The following KLHL8 variants were observed in gnomAD, a reference collection of about 807,000 sequenced individuals.
KLHL8 encodes kelch-like protein 8.
KLHL8 carries 38 observed loss-of-function variants against 63.5 expected under a neutral mutation model. The ratio of observed to expected loss-of-function variants is 0.60; its 90% CI spans 0.46 to 0.78. The LOEUF (loss-of-function observed/expected upper bound fraction) is 0.78. Among genes scored for constraint, KLHL8 ranks in the 30% least tolerant of loss-of-function variants. KLHL8 has a pLI of 0.00. For missense variants in KLHL8, 566 were observed against 752.4 expected (o/e 0.75, Z 2.90); for synonymous variants, 224 against 254.3 (o/e 0.88, Z 1.13).
At chr4:87,170,374 T>C (rs1451953201) in intron 7 of KLHL8, 73 bp downstream of exon 7, 2 of 1,478,456 alleles carry the variant, frequency 1.4e-6, no homozygotes, top group Middle Eastern at 3.6e-4. Flanking sequence ...GGTGATGATA[T>C]ATTGGACCTT....
chr4:87,208,158 C>T lies in KLHL8; in HGVS notation c.-152+12260G>A, dbSNP rs374216993. ...AGAGAGGTCGTCACTGCTGGGGAGTCCCTGCCACACTCAGTCCCCCACTAC... is the reference window on the plus strand; with the variant it reads ...AGAGAGGTCGTCACTGCTGGGGAGTTCCTGCCACACTCAGTCCCCCACTAC... On this transcript the variant is annotated intron_variant, in intron 1 of 9. Transcript: ENST00000273963. 7.8e-5 allele frequency: 30 copies of T among 385,878 alleles called. No individual in the cohort carries two copies. The East Asian group carries it at 1.8e-3, about 23-fold the overall frequency. The allele number at this position is 385,878 out of a possible 1,614,324, so 23.9% of individuals were successfully genotyped here. A position where few individuals can be genotyped will look rare whatever the true frequency, so the allele number is the denominator to read the frequency against.
At chr4:87,230,223 C>G (rs1733111108) in intron 1 of KLHL8, among the ~76,000 whole-genome samples, 1 of 152,196 alleles carries the variant, frequency 6.6e-6, no homozygotes, top group African/African-American at 2.4e-5. Context: ...AAACAGCTAA[C>G]TCATGACAAC....
chr4:87,183,923 T>A (rs1237702862), intron 3 of KLHL8, among the ~76,000 whole-genome samples: 2 of 152,214 alleles, frequency 1.3e-5, no homozygotes, highest in African/African-American at 4.8e-5. Flanking sequence ...AACTTAGGGA[T>A]GCATCCCCTC....
chr4:87,183,906 A>C (rs1731148720), intron 3 of KLHL8, among the ~76,000 whole-genome samples: 1 of 152,200 alleles, frequency 6.6e-6, no homozygotes, highest in Non-Finnish European at 1.5e-5. Flanking sequence ...TTGGAAGGGA[A>C]TATACTAACT....
chr4:87,163,728 G>A, intron 9 of KLHL8, 86 bp from the exon 10 acceptor site: 3 of 1,575,380 alleles, frequency 1.9e-6, no homozygotes, highest in Non-Finnish European at 2.6e-6. Context: ...CCCTATGTGA[G>A]ACTGGTTTTG....
At chr4:87,236,623 C>T (rs993439948) in intron 1 of KLHL8, among the ~76,000 whole-genome samples, 3 of 148,594 alleles carry the variant, frequency 2.0e-5, no homozygotes, top group South Asian at 2.2e-4. Context: ...TTATTCATTG[C>T]GTACCTTTTG....
At chr4:87,210,587 G>C (rs1296889298) in intron 1 of KLHL8, among the ~76,000 whole-genome samples, 3 of 152,128 alleles carry the variant, frequency 2.0e-5, no homozygotes, top group Non-Finnish European at 4.4e-5. Context: ...TAATTTTAGA[G>C]CTACCCCTGA....
intron 1 of KLHL8, among the ~76,000 whole-genome samples, chr4:87,236,364 A>T: frequency 6.6e-6 from 1 of 151,842 alleles, no homozygotes; most frequent in East Asian, 2.0e-4. Flanking sequence ...GCGCACCACC[A>T]TGCCCGGCAA....
chr4:87,226,820 ATATATTATTTATAAATAAT>A lies in KLHL8; in HGVS notation n.58-5449_58-5431del, dbSNP rs1235660981. ...ATATATAATATATATTATATATAAT[ATATATTATTTATAAATAAT>A]ATATATATTATATATAAATAATATA... On this transcript the variant is annotated intron_variant and non_coding_transcript_variant, in intron 1 of 1. Transcript: ENST00000506274. Among the ~76,000 whole-genome samples the A allele has an allele frequency of 3.2e-3, 43 of 13,484 alleles. 12 individuals carry two copies. Among genetic ancestry groups the A allele is most frequent in the Non-Finnish European group, 4.4e-3 (38 of 8,712 alleles). 8.8% of individuals were successfully genotyped at this position (13,484 alleles called of 152,430 possible). A position where few individuals can be genotyped will look rare whatever the true frequency, so the allele number is the denominator to read the frequency against.
intron 1 of KLHL8, among the ~76,000 whole-genome samples, chr4:87,234,797 G>A (rs1295885539): frequency 6.6e-6 from 1 of 152,150 alleles, no homozygotes; most frequent in African/African-American, 2.4e-5. Flanking sequence ...AACTCCATGT[G>A]GGTTATTGCC....
intron 1 of KLHL8, among the ~76,000 whole-genome samples, chr4:87,208,542 T>C (rs1008329062): frequency 3.3e-5 from 5 of 152,110 alleles, no homozygotes; most frequent in Non-Finnish European, 4.4e-5. Context: ...TTTGCCATGT[T>C]GCCCAGGCTG....
intron 1 of KLHL8, among the ~76,000 whole-genome samples, chr4:87,217,843 C>T (rs978769791): frequency 6.6e-6 from 1 of 151,826 alleles, no homozygotes; most frequent in African/African-American, 2.4e-5. Context: ...ATATAAGTAA[C>T]CAAAAATTTA....
chr4:87,170,789 A>C (rs570010907), intron 6 of KLHL8, among the ~76,000 whole-genome samples, 174 bp from the exon 7 acceptor site: 1 of 152,370 alleles, frequency 6.6e-6, no homozygotes, highest in African/African-American at 2.4e-5. Context: ...CAGAATTGCC[A>C]AACTGTGCAA....
At chr4:87,178,395 A>G in intron 5 of KLHL8, 82 bp downstream of exon 5, 1 of 1,345,600 alleles carries the variant, frequency 7.4e-7, no homozygotes, top group Admixed American at 2.5e-5. Flanking sequence ...TCATTTTCTT[A>G]TATAAAAATA....
At chr4:87,182,438 A>G (rs1731091605) in intron 4 of KLHL8, among the ~76,000 whole-genome samples, 1 of 152,010 alleles carries the variant, frequency 6.6e-6, no homozygotes, top group Admixed American at 6.6e-5. Flanking sequence ...GCTATCAAAG[A>G]CCTCATTATT....
intron 1 of KLHL8, among the ~76,000 whole-genome samples, chr4:87,233,648 C>A (rs1462549154): frequency 6.6e-6 from 1 of 152,116 alleles, no homozygotes; most frequent in African/African-American, 2.4e-5. Context: ...TCTTTTATAT[C>A]TTCTTTGAGA....
At position 87,161,583 on chromosome 4, in the gene KLHL8, A is replaced by G. The variant is rs929566191; in HGVS notation, c.*1936T>C. On this transcript the variant is annotated 3_prime_UTR_variant, in exon 10 of 10. Coordinates refer to ENST00000273963, the MANE Select transcript of KLHL8 (RefSeq NM_020803.5). The stretch of plus-strand genomic sequence containing the variant: ...TTTTAAATAATCTCAGGAAACAATA[A>G]CAAGATCCTCTCCCCGAAAATAAAT... 3 of 152,216 alleles carry G rather than the reference A, an allele frequency of 2.0e-5. No individual in the cohort carries two copies. The highest frequency in any genetic ancestry group is 7.2e-5 in the African/African-American group (3 of 41,460). The allele number at this position is 152,216 out of a possible 1,614,324, so 9.4% of individuals were successfully genotyped here.
Position 87,168,754 on chromosome 4 carries a change from A to G in KLHL8, c.1537+1325T>C, listed in dbSNP as rs572379076. Among the ~76,000 whole-genome samples, 3 of 145,830 alleles carry G rather than the reference A, an allele frequency of 2.1e-5. No individual in the cohort carries two copies. The South Asian group carries it at 6.5e-4, about 32-fold the overall frequency. ...TATGTGTGTATATATACGTGTATAT[A>G]TGTGTGTGTATATATATGTGTATAT... On this transcript the variant is annotated intron_variant, in intron 8 of 9. Transcript: ENST00000273963.
At chr4:87,188,355 A>G (rs920758332) in intron 2 of KLHL8, among the ~76,000 whole-genome samples, 4 of 152,208 alleles carry the variant, frequency 2.6e-5, no homozygotes, top group African/African-American at 9.6e-5. Flanking sequence ...ACTCTCTTAC[A>G]TAATAGTATC....
Sources: allele counts gnomAD v4.1 joint callset (sites outside exome capture counted in the v4.1 genomes callset), GRCh38; gene constraint gnomAD v4.1.1; transcripts MANE v1.5; gene names NCBI Gene and HGNC (gene_info 2026-07-23, HGNC 2026-07-21).